Variants in SMIM7 observed in about 807,000 individuals in gnomAD.
SMIM7 encodes the protein small integral membrane protein 7.
A neutral mutation model predicts 13.3 loss-of-function variants in SMIM7; 12 were observed. That is an observed-to-expected ratio of 0.90 (90% CI 0.58 to 1.46). The LOEUF (loss-of-function observed/expected upper bound fraction) is 1.46. Ranked by LOEUF, SMIM7 falls within the 40% of genes most tolerant of loss-of-function variation. The pLI, the probability that SMIM7 is intolerant of heterozygous loss-of-function variation, is 0.00. For missense variants in SMIM7, 114 were observed against 94.8 expected, an observed-to-expected ratio of 1.20 and a Z score of -0.84; for synonymous variants, 36 against 35.8, an observed-to-expected ratio of 1.01 and a Z score of -0.02.
chr19:16,653,691 C>A, intron 4 of SMIM7: 1 of 261,240 alleles, frequency 3.8e-6, no homozygotes, highest in South Asian at 7.3e-5. Flanking sequence ...GTCAGGAGAT[C>A]AAGACCATCC....
At chr19:16,637,198 G>A (rs2086366802) in intron 4 of SMIM7, among the ~76,000 whole-genome samples, 1 of 152,172 alleles carries the variant, frequency 6.6e-6, no homozygotes, top group Non-Finnish European at 1.5e-5. Context: ...AGCAGTATTA[G>A]CATTACCAGG....
intron 4 of SMIM7, among the ~76,000 whole-genome samples, chr19:16,649,165 ACT>A (rs1273633733): frequency 6.6e-6 from 1 of 151,870 alleles, no homozygotes; most frequent in East Asian, 1.9e-4. Flanking sequence ...TTTGGAAAAC[ACT>A]CTGGTGTTTT....
rs527441342 is a variant in SMIM7 at position 16,632,887 on chromosome 19, T to C, written c.*138-1163A>G. 2.6e-5 allele frequency among the ~76,000 whole-genome samples: 4 copies of C among 152,292 alleles called. No individual in the cohort carries two copies. In the South Asian group the frequency reaches 6.2e-4, roughly 24 times the overall value. On this transcript the variant is annotated intron_variant and NMD_transcript_variant, in intron 4 of 4. Coordinates refer to the SMIM7 transcript ENST00000465250. ...TCTGACCCTGTGGATATGAGCGTAC[T>C]GAAATTCACAACTTCTAAAAGTTTA...
At chr19:16,654,207 C>T in intron 3 of SMIM7, 82 bp from the exon 4 acceptor site, 1 of 1,194,636 alleles carries the variant, frequency 8.4e-7, no homozygotes, top group Non-Finnish European at 1.2e-6. Flanking sequence ...TTTGTGACTT[C>T]CACCCACCCG....
chr19:16,631,299 T>C (rs185836122), exon 5 of SMIM7: 4 of 152,056 alleles, frequency 2.6e-5, no homozygotes, highest in African/African-American at 4.8e-5. Flanking sequence ...GGCAGGAGAA[T>C]TGCATGAACC....
intron 3 of SMIM7, among the ~76,000 whole-genome samples, chr19:16,655,742 C>T (rs1236402224): frequency 6.7e-6 from 1 of 149,660 alleles, no homozygotes; most frequent in Non-Finnish European, 1.5e-5. Flanking sequence ...AAGGGTGCTA[C>T]CCGAAGTATC....
intron 4 of SMIM7, among the ~76,000 whole-genome samples, chr19:16,633,324 T>C (rs1218493476): frequency 6.6e-6 from 1 of 151,686 alleles, no homozygotes; most frequent in Non-Finnish European, 1.5e-5. Context: ...AGGCAGGTGG[T>C]GCGCGCCTGT....
At chr19:16,659,771 T>G (rs1490546316) in intron 2 of SMIM7, 188 bp downstream of exon 2, 1 of 728,658 alleles carries the variant, frequency 1.4e-6, no homozygotes, top group Non-Finnish European at 2.3e-6. Context: ...ACGGAGAGTA[T>G]GGGTTTAAGG....
intron 4 of SMIM7, among the ~76,000 whole-genome samples, chr19:16,635,639 T>C (rs1467617596): frequency 6.6e-6 from 1 of 151,858 alleles, no homozygotes; most frequent in Non-Finnish European, 1.5e-5. Context: ...CTCAGCACTT[T>C]GAGAGGCCGA....
intron 3 of SMIM7, among the ~76,000 whole-genome samples, chr19:16,654,949 A>C (rs2086577067): frequency 6.6e-6 from 1 of 152,122 alleles, no homozygotes; most frequent in African/African-American, 2.4e-5. Context: ...CTCTGGGGTC[A>C]TCTTTGCCAA....
At chr19:16,633,333 G>A (rs1413706977) in intron 4 of SMIM7, among the ~76,000 whole-genome samples, 1 of 151,942 alleles carries the variant, frequency 6.6e-6, no homozygotes, top group Non-Finnish European at 1.5e-5. Flanking sequence ...GTGCGCGCCT[G>A]TAATCCCAGC....
At chr19:16,652,838 C>T (rs888134088) in intron 4 of SMIM7, 3 of 1,549,668 alleles carry the variant, frequency 1.9e-6, no homozygotes, top group South Asian at 2.4e-5. Flanking sequence ...CCAAGAACAC[C>T]AGATTCTCCC....
Position 16,654,098 on chromosome 19 carries a change from C to G in SMIM7, c.149G>C (p.Ser50Thr). 6.2e-7 allele frequency: 1 copy of G among 1,614,084 alleles called. No individual in the cohort carries two copies. The highest frequency in any genetic ancestry group is 2.2e-5 in the East Asian group (1 of 44,886). ...GATGAAGATTCGAAAGTATCTGAGG[C>G]TCAGCAAGAATTCCCGGATGTTGTC... ...TGDNIREFLL[S>T]LRYFRIFIAL... Residue 50 changes from serine to threonine, a missense_variant, in exon 4 of 5, where the codon AGC (serine) becomes ACC (threonine). Ser to Thr is a moderately conservative substitution (Grantham distance 58). Coordinates refer to ENST00000487416, the MANE Select transcript of SMIM7 (RefSeq NM_024104.4).
At chr19:16,641,752 C>T (rs918462643), downstream of SMIM7, among the ~76,000 whole-genome samples, 3 of 152,152 alleles carry the variant, frequency 2.0e-5, no homozygotes, top group Non-Finnish European at 2.9e-5. Flanking sequence ...GCGTGCAGCA[C>T]GACACCCGGC....
chr19:16,634,954 T>C (rs961003470), intron 4 of SMIM7: 8 of 152,186 alleles, frequency 5.3e-5, no homozygotes, highest in African/African-American at 1.9e-4. Context: ...TGAGTGGGTC[T>C]TCTCATACCT....
chr19:16,652,000 T>C (rs2086533100), intron 4 of SMIM7, among the ~76,000 whole-genome samples: 1 of 151,136 alleles, frequency 6.6e-6, no homozygotes, highest in African/African-American at 2.4e-5. Flanking sequence ...ACTTCTTCCC[T>C]TCCCCAGGAC....
At chr19:16,632,535 AT>A (rs397933494) in intron 4 of SMIM7, among the ~76,000 whole-genome samples, 1,427 of 126,902 alleles carry the variant, frequency 0.011, 9 homozygotes, top group African/African-American at 0.034. Context: ...AACTGTGAAC[AT>A]TTTTTTTTTT....
At chr19:16,631,415 A>G (rs74481532) in exon 5 of SMIM7, 7,924 of 151,894 alleles carry the variant, frequency 0.052, 284 homozygotes, top group South Asian at 0.065. Context: ...ATAAATAGAA[A>G]AAAGGGAGAG....
At chr19:16,653,988 A>C (rs777879424) in intron 4 of SMIM7, 47 bp downstream of exon 4, 2 of 1,503,700 alleles carry the variant, frequency 1.3e-6, no homozygotes, top group Non-Finnish European at 9.2e-7. Flanking sequence ...ACCCTGGAGA[A>C]GGAGACTAAG....
Sources: gnomAD v4.1 joint callset for allele counts (sites outside exome capture counted in the v4.1 genomes callset) on GRCh38, gnomAD v4.1.1 for gene constraint, MANE v1.5 for transcripts, NCBI Gene and HGNC (gene_info 2026-07-23, HGNC 2026-07-21) for gene names.